Variants in TNS3 observed in about 807,000 individuals in gnomAD.
TNS3 encodes tensin 3.
TNS3 carries 45 observed loss-of-function variants against 140.9 expected under a neutral mutation model. That is an observed-to-expected ratio of 0.32 (90% CI 0.25 to 0.41). The LOEUF is 0.41. Among genes scored for constraint, TNS3 ranks in the 10% least tolerant of loss-of-function variants. The probability of loss-of-function intolerance (pLI) is 1.00; values close to 1 mark genes in which losing one functional copy is unlikely to be tolerated. For synonymous variants in TNS3, 815 were observed against 788.4 expected (o/e 1.03, Z -0.56); for missense variants, 1,716 against 1,906.7 (o/e 0.90, Z 1.86).
chr7:47,406,279 G>A (rs1334918999), intron 13 of TNS3, among the ~76,000 whole-genome samples: 5 of 152,208 alleles, frequency 3.3e-5, no homozygotes, highest in Admixed American at 6.5e-5. Flanking sequence ...GGCGAAGGCA[G>A]ACGGTGGGTC....
intron 1 of TNS3, among the ~76,000 whole-genome samples, chr7:47,575,391 C>T (rs1800651619): frequency 6.6e-6 from 1 of 152,160 alleles, no homozygotes; most frequent in South Asian, 2.1e-4. Flanking sequence ...AAAATATGAA[C>T]CTCTGTGGAG....
chr7:47,311,039 G>A (rs950458106), intron 20 of TNS3, among the ~76,000 whole-genome samples: 3 of 152,188 alleles, frequency 2.0e-5, no homozygotes, highest in African/African-American at 7.2e-5. Context: ...ACGTGTGCAT[G>A]TGTCTTTATA....
chr7:47,355,368 G>A (rs1187726190), intron 17 of TNS3, among the ~76,000 whole-genome samples: 1 of 152,216 alleles, frequency 6.6e-6, no homozygotes, highest in African/African-American at 2.4e-5. Context: ...GGTCCTGACA[G>A]GGAATCCTCA....
intron 17 of TNS3, among the ~76,000 whole-genome samples, chr7:47,358,850 T>G (rs1166037041): frequency 6.6e-6 from 1 of 152,190 alleles, no homozygotes; most frequent in African/African-American, 2.4e-5. Context: ...AAATTAGCAG[T>G]TCCCCTGAGC....
chr7:47,477,733 T>C (rs912677708), intron 4 of TNS3, among the ~76,000 whole-genome samples: 36 of 152,050 alleles, frequency 2.4e-4, no homozygotes, highest in Non-Finnish European at 1.0e-4. Flanking sequence ...CCATCCAAAA[T>C]GCCAAGGATC....
intron 22 of TNS3, 60 bp from the exon 23 acceptor site, chr7:47,302,332 C>A: frequency 7.4e-7 from 1 of 1,354,632 alleles, no homozygotes; most frequent in South Asian, 1.2e-5. Context: ...TGCAACCTCT[C>A]ATCTGCTGTG....
At chr7:47,552,614 C>A (rs1941297252) in intron 1 of TNS3, among the ~76,000 whole-genome samples, 1 of 152,118 alleles carries the variant, frequency 6.6e-6, no homozygotes, top group African/African-American at 2.4e-5. Context: ...TTTTGGGGTG[C>A]CATGAACCAA....
intron 4 of TNS3, among the ~76,000 whole-genome samples, chr7:47,443,811 C>G (rs1318051516): frequency 6.6e-6 from 1 of 152,118 alleles, no homozygotes; most frequent in African/African-American, 2.4e-5. Flanking sequence ...ATCCTAGCTA[C>G]TCGGGAGGCT....
intron 4 of TNS3, among the ~76,000 whole-genome samples, chr7:47,473,594 A>G (rs902989956): frequency 1.3e-5 from 2 of 152,188 alleles, no homozygotes; most frequent in African/African-American, 2.4e-5. Context: ...ATAAGCAGGA[A>G]ATAACCACTG....
In TNS3 at chr7:47,358,019, G is replaced by A. The variant is rs982212380; in HGVS notation, c.2281+10346C>T. ...CCCCGCCTGCCTCACACACTGCCCC[G>A]CCCCAAATACCTCATCAATGGGGCT... On this transcript the variant is annotated intron_variant, in intron 17 of 30. Transcript: ENST00000311160. 7.2e-5 allele frequency among the ~76,000 whole-genome samples: 11 copies of A among 152,204 alleles called. 1 individual carries two copies. The South Asian group carries it at 1.7e-3, about 23-fold the overall frequency.
At chr7:47,412,964 T>C (rs1423781546) in intron 12 of TNS3, among the ~76,000 whole-genome samples, 1 of 151,438 alleles carries the variant, frequency 6.6e-6, no homozygotes, top group Admixed American at 6.6e-5. Flanking sequence ...TGTTGTTTTC[T>C]TTTTTTTTCA....
intron 20 of TNS3, among the ~76,000 whole-genome samples, chr7:47,331,627 C>T (rs1788347699): frequency 1.3e-5 from 2 of 152,194 alleles, no homozygotes; most frequent in African/African-American, 2.4e-5. Flanking sequence ...TACTTTCATT[C>T]CAAATGATGG....
chr7:47,473,358 C>T (rs537124423), intron 4 of TNS3, among the ~76,000 whole-genome samples: 7 of 152,264 alleles, frequency 4.6e-5, no homozygotes, highest in East Asian at 1.9e-4. Flanking sequence ...AGAACATTTG[C>T]GTATATCCAT....
intron 4 of TNS3, among the ~76,000 whole-genome samples, chr7:47,480,176 A>T (rs1797363203): frequency 1.3e-5 from 2 of 152,238 alleles, no homozygotes; most frequent in South Asian, 4.1e-4. Flanking sequence ...AAAGGCTGCC[A>T]AATCTCCGGC....
intron 3 of TNS3, among the ~76,000 whole-genome samples, chr7:47,501,996 G>C (rs1183968443): frequency 6.6e-6 from 1 of 152,176 alleles, no homozygotes; most frequent in Admixed American, 6.5e-5. Context: ...AGGCATAGTA[G>C]GTTCTGTAGG....
intron 1 of TNS3, among the ~76,000 whole-genome samples, chr7:47,531,165 T>C (rs917493496): frequency 6.6e-6 from 1 of 151,874 alleles, no homozygotes; most frequent in African/African-American, 2.4e-5. Flanking sequence ...ACTACGCTTA[T>C]TACCTGGAGG....
chr7:47,281,078 A>G (rs949883426), intron 28 of TNS3, among the ~76,000 whole-genome samples: 1 of 152,204 alleles, frequency 6.6e-6, no homozygotes, highest in African/African-American at 2.4e-5. Flanking sequence ...AAAGTGGATC[A>G]TGTTACCAGC....
intron 16 of TNS3, among the ~76,000 whole-genome samples, chr7:47,387,341 G>A (rs1792133519): frequency 6.6e-6 from 1 of 152,238 alleles, no homozygotes; most frequent in South Asian, 2.1e-4. Flanking sequence ...CACAGGCATA[G>A]AGTTTGAAAG....
chr7:47,378,477 C>A lies in TNS3; in HGVS notation c.1025-8856G>T, dbSNP rs73326547. On this transcript the variant is annotated intron_variant, in intron 16 of 30. Coordinates refer to ENST00000311160, the MANE Select transcript of TNS3 (RefSeq NM_022748.12). ...AACTTTGCTAACCATCCACCCAGTG[C>A]GACTTTATGGCCAAGCTGCCCAGCT... 6.9e-3 allele frequency among the ~76,000 whole-genome samples: 1,058 copies of A among 152,328 alleles called. 16 individuals carry two copies. Among genetic ancestry groups the A allele is most frequent in the African/African-American group, 0.024 (1,013 of 41,570 alleles).
Sources: allele counts gnomAD v4.1 joint callset (sites outside exome capture counted in the v4.1 genomes callset), GRCh38; gene constraint gnomAD v4.1.1; transcripts MANE v1.5; gene names NCBI Gene and HGNC (gene_info 2026-07-23, HGNC 2026-07-21).